Variants in NELL1 observed in about 807,000 individuals in gnomAD.
The protein encoded by NELL1 is neural EGFL like 1.
Under a neutral mutation model 107.4 loss-of-function variants are expected in NELL1, and 76 were observed. That is an observed-to-expected ratio of 0.71 (90% CI 0.59 to 0.86). The LOEUF (loss-of-function observed/expected upper bound fraction) is 0.86. Ranked by LOEUF, NELL1 falls within the 40% of genes least tolerant of loss-of-function variation. NELL1 has a pLI of 0.00. For missense variants in NELL1, 1,024 were observed against 1,005.5 expected, an observed-to-expected ratio of 1.02 and a Z score of -0.25; for synonymous variants, 353 against 341.2, an observed-to-expected ratio of 1.03 and a Z score of -0.38.
chr11:21,575,252 A>G lies in NELL1; in HGVS notation c.*230A>G, dbSNP rs1267127208. 3 of 478,654 alleles carry G rather than the reference A, an allele frequency of 6.3e-6. No individual in the cohort carries two copies. Among genetic ancestry groups the G allele is most frequent in the South Asian group, 3.3e-5 (1 of 30,442 alleles). 29.7% of individuals were successfully genotyped at this position (478,654 alleles called of 1,614,324 possible). A position where few individuals can be genotyped will look rare whatever the true frequency, so the allele number is the denominator to read the frequency against. On this transcript the variant is annotated 3_prime_UTR_variant, in exon 20 of 20. Coordinates refer to ENST00000357134, the MANE Select transcript of NELL1 (RefSeq NM_006157.5). ...CCTACAGTGCCGTGCATTTAAGTCA[A>G]TGGTTGTTAAAAGAAGTTTCCCGTG...
rs897977278 is a variant in NELL1 at position 20,891,178 on chromosome 11, G to T, written c.603+5638G>T. ...CAGTGGACCTCTTAGCAGAAACTCT[G>T]TAAGCCAGAAGAGATTGGGGGCCAA... On this transcript the variant is annotated intron_variant, in intron 5 of 19. Transcript: ENST00000357134. Among the ~76,000 whole-genome samples the T allele has an allele frequency of 1.6e-4, 24 of 152,162 alleles. No homozygotes were observed. In the South Asian group the frequency reaches 2.1e-3, roughly 13 times the overall value.
intron 2 of NELL1, among the ~76,000 whole-genome samples, chr11:20,767,499 T>C (rs1260892112): frequency 5.3e-5 from 8 of 152,300 alleles, no homozygotes; most frequent in South Asian, 2.1e-4. Flanking sequence ...ATACTTTAGC[T>C]AGACATAGAG....
At chr11:20,947,274 A>C in intron 10 of NELL1, 62 bp from the exon 11 acceptor site, 3 of 1,062,152 alleles carry the variant, frequency 2.8e-6, no homozygotes, top group Non-Finnish European at 4.4e-6. Context: ...AGAACATTAT[A>C]AGTTTGTTCC....
chr11:21,035,121 G>C (rs7939550), intron 12 of NELL1, among the ~76,000 whole-genome samples: 3,585 of 151,958 alleles, frequency 0.024, 140 homozygotes, highest in African/African-American at 0.081. Flanking sequence ...ACTGGAAAAT[G>C]TAGAAGAACT....
intron 10 of NELL1, 123 bp downstream of exon 10, chr11:20,937,982 C>A: frequency 2.3e-6 from 2 of 858,650 alleles, no homozygotes; most frequent in South Asian, 1.5e-5. Flanking sequence ...GTGGAACTCT[C>A]TGCGGTGGGT....
Position 21,534,452 on chromosome 11 carries a change from G to C in NELL1, c.1724G>C (p.Cys575Ser). ...GTTAACCTGCCAGGGTGGTACCACT[G>C]TGAGTGCAGAAGCGGTTTCCATGAC... ...RCVNLPGWYH[C>S]ECRSGFHDDG... The change falls in exon 16 of 20, where the codon TGT (cysteine) becomes TCT (serine). Residue 575 changes from cysteine (C) to serine (S), a missense_variant. Coordinates refer to ENST00000357134, the MANE Select transcript of NELL1 (RefSeq NM_006157.5). The C allele has an allele frequency of 6.2e-7, 1 of 1,613,908 alleles. No individual in the cohort carries two copies.
At chr11:21,124,108 T>C (rs1309732155) in intron 13 of NELL1, among the ~76,000 whole-genome samples, 1 of 152,146 alleles carries the variant, frequency 6.6e-6, no homozygotes, top group Non-Finnish European at 1.5e-5. Context: ...CATGATACTT[T>C]TTCTTTATAC....
chr11:20,930,929 A>G (rs1434116030), intron 9 of NELL1, among the ~76,000 whole-genome samples: 1 of 152,154 alleles, frequency 6.6e-6, no homozygotes, highest in Non-Finnish European at 1.5e-5. Context: ...ATACAAATAA[A>G]TTATTAAAAC....
chr11:20,704,086 G>A (rs1052513889), intron 2 of NELL1, among the ~76,000 whole-genome samples: 4 of 152,030 alleles, frequency 2.6e-5, no homozygotes, highest in African/African-American at 9.7e-5. Flanking sequence ...GCTGATCTGT[G>A]TAATGTTGAC....
At chr11:21,411,344 T>TTCTC (rs1852371836) in intron 15 of NELL1, among the ~76,000 whole-genome samples, 1 of 152,096 alleles carries the variant, frequency 6.6e-6, no homozygotes, top group African/African-American at 2.4e-5. Flanking sequence ...TGTTGTACAG[T>TTCTC]TCTCTGGAAA....
intron 13 of NELL1, among the ~76,000 whole-genome samples, chr11:21,188,496 CA>C (rs1856981013): frequency 6.6e-6 from 1 of 151,678 alleles, no homozygotes; most frequent in Non-Finnish European, 1.5e-5. Flanking sequence ...TTTTTTCTCT[CA>C]CTTTTCTTTA....
chr11:20,679,907 T>C (rs79175434), intron 2 of NELL1, among the ~76,000 whole-genome samples: 5,400 of 152,264 alleles, frequency 0.035, 331 homozygotes, highest in African/African-American at 0.12. Context: ...TTGCTTTAGT[T>C]ACTACTATTC....
At chr11:21,481,125 T>C (rs1418643810) in intron 15 of NELL1, among the ~76,000 whole-genome samples, 2 of 152,192 alleles carry the variant, frequency 1.3e-5, no homozygotes, top group African/African-American at 2.4e-5. Flanking sequence ...ACATAATAAG[T>C]GCTCAATAAA....
chr11:20,946,417 C>T (rs1850963585), intron 10 of NELL1, among the ~76,000 whole-genome samples: 1 of 152,124 alleles, frequency 6.6e-6, no homozygotes, highest in Admixed American at 6.5e-5. Flanking sequence ...ATAATTTTTA[C>T]AAATTGGCAT....
At chr11:21,499,788 T>A (rs1319615287) in intron 15 of NELL1, among the ~76,000 whole-genome samples, 1 of 152,136 alleles carries the variant, frequency 6.6e-6, no homozygotes, top group Non-Finnish European at 1.5e-5. Context: ...AAAGGCTTTC[T>A]TCTTTTGAGT....
chr11:21,420,492 A>G (rs1401552355), intron 15 of NELL1, among the ~76,000 whole-genome samples: 1 of 152,172 alleles, frequency 6.6e-6, no homozygotes, highest in Non-Finnish European at 1.5e-5. Context: ...TAGATTAGAG[A>G]AAAATAAAAG....
rs1853949039 is a variant in NELL1 at position 20,672,896 on chromosome 11, G to A, written c.55+3118G>A. 3.5e-5 allele frequency among the ~76,000 whole-genome samples: 5 copies of A among 143,832 alleles called. No individual in the cohort carries two copies. In the Admixed American group the frequency reaches 3.5e-4, roughly 10 times the overall value. 94.4% of individuals were successfully genotyped at this position (143,832 alleles called of 152,430 possible). On this transcript the variant is annotated intron_variant, in intron 1 of 19. Transcript: ENST00000357134. ...GATGGAGTTTTGCTCTTGTTGCCCAGGCTGGAGTGCAGCGACATGATCTCG... is the reference window on the plus strand; with the variant it reads ...GATGGAGTTTTGCTCTTGTTGCCCAAGCTGGAGTGCAGCGACATGATCTCG...
intron 2 of NELL1, among the ~76,000 whole-genome samples, chr11:20,782,469 G>A (rs1856870469): frequency 6.6e-6 from 1 of 152,198 alleles, no homozygotes; most frequent in Non-Finnish European, 1.5e-5. Flanking sequence ...AAGGTGGGAA[G>A]GTTCTAAGAG....
rs200616759 is a variant in NELL1, at chr11:20,755,562, G to A, written c.185-28118G>A. The stretch of plus-strand genomic sequence containing the variant: ...TTTGTTTTTTTTTGTTTTTGTTTTT[G>A]TTTTTTTTTTTTTGAGACAGAATCT... On this transcript the variant is annotated intron_variant, in intron 2 of 19. Coordinates refer to ENST00000357134, the MANE Select transcript of NELL1 (RefSeq NM_006157.5). Among the ~76,000 whole-genome samples the A allele has an allele frequency of 6.5e-3, 170 of 26,056 alleles. 1 individual carries two copies. The highest frequency in any genetic ancestry group is 0.091 in the Middle Eastern group (2 of 22). 17.1% of individuals were successfully genotyped at this position (26,056 alleles called of 152,430 possible). A position where few individuals can be genotyped will look rare whatever the true frequency, so the allele number is the denominator to read the frequency against.
Sources: allele counts gnomAD v4.1 joint callset (sites outside exome capture counted in the v4.1 genomes callset), GRCh38; gene constraint gnomAD v4.1.1; transcripts MANE v1.5; gene names NCBI Gene and HGNC (gene_info 2026-07-23, HGNC 2026-07-21).